The following CAPZB variants were observed in gnomAD, a reference collection of about 807,000 sequenced individuals.
CAPZB encodes F-actin-capping protein subunit beta.
In CAPZB, 2 loss-of-function variants were observed where a neutral mutation model predicts 38.1. The observed-to-expected ratio is 0.05, with a 90% CI of 0.02 to 0.17. The LOEUF is 0.17. Ranked by LOEUF, CAPZB falls within the 10% of genes least tolerant of loss-of-function variation. The pLI is 1.00. For synonymous variants in CAPZB, 107 were observed against 127.4 expected (o/e 0.84, Z 1.08); for missense variants, 161 against 334.2 (o/e 0.48, Z 4.04).
At chr1:19,445,343 C>T (rs1465874332) in intron 1 of CAPZB, among the ~76,000 whole-genome samples, 2 of 149,734 alleles carry the variant, frequency 1.3e-5, no homozygotes, top group African/African-American at 5.0e-5. Flanking sequence ...GTTGTTTCAT[C>T]CATGAGGGGG....
At chr1:19,390,062 T>A (rs939340977) in intron 2 of CAPZB, among the ~76,000 whole-genome samples, 1 of 152,206 alleles carries the variant, frequency 6.6e-6, no homozygotes, top group Non-Finnish European at 1.5e-5. Context: ...GCTGATTCCA[T>A]GTAAGTGGAT....
chr1:19,435,444 T>G (rs894141509), intron 1 of CAPZB, among the ~76,000 whole-genome samples: 4 of 152,196 alleles, frequency 2.6e-5, no homozygotes, highest in African/African-American at 9.7e-5. Context: ...TGGACAGTAT[T>G]ACTGACTCTC....
intron 4 of CAPZB, among the ~76,000 whole-genome samples, chr1:19,367,461 CG>C (rs1231529530): frequency 1.3e-5 from 2 of 152,196 alleles, no homozygotes; most frequent in Non-Finnish European, 2.9e-5. Flanking sequence ...TTACTGGGAG[CG>C]GTTCCGTACC....
intron 1 of CAPZB, among the ~76,000 whole-genome samples, chr1:19,478,039 C>T (rs1238448272): frequency 6.6e-6 from 1 of 152,230 alleles, no homozygotes; most frequent in Non-Finnish European, 1.5e-5. Flanking sequence ...GAAGAGGAAG[C>T]TGCACAGAGC....
chr1:19,339,434 G>C lies in CAPZB; in HGVS notation c.*96C>G. ...GATGCAGCTGTTATGTGACCTGTCG[G>C]GGAGGGAAGGGACGAGGGAAGGGAG... On this transcript the variant is annotated 3_prime_UTR_variant, in exon 9 of 9. Transcript: ENST00000264202. 1 of 883,630 alleles carries C rather than the reference G, an allele frequency of 1.1e-6. No individual in the cohort carries two copies. 54.7% of individuals were successfully genotyped at this position (883,630 alleles called of 1,614,324 possible).
chr1:19,415,923 T>G (rs1417175739), intron 2 of CAPZB, among the ~76,000 whole-genome samples: 8 of 152,268 alleles, frequency 5.3e-5, no homozygotes. Flanking sequence ...CATTTTGACA[T>G]TCCTCATACT....
rs987320835 is a variant in CAPZB at position 19,378,488 on chromosome 1, T to C, written c.329+52A>G. 5.9e-6 allele frequency: 6 copies of C among 1,015,348 alleles called. No homozygotes were observed. The African/African-American group carries it at 6.3e-5, about 11-fold the overall frequency. 62.9% of individuals were successfully genotyped at this position (1,015,348 alleles called of 1,614,324 possible). A position where few individuals can be genotyped will look rare whatever the true frequency, so the allele number is the denominator to read the frequency against. On this transcript the variant is annotated intron_variant, in intron 4 of 8. Transcript: ENST00000264202. ...CAGATAGAACACTGCCACTTAGGAT[T>C]TACCTCTCAAAACTCACAAGCGCTA...
chr1:19,468,305 A>C (rs987707089), intron 1 of CAPZB, among the ~76,000 whole-genome samples: 1 of 152,200 alleles, frequency 6.6e-6, no homozygotes, highest in Non-Finnish European at 1.5e-5. Context: ...AAAACACAAT[A>C]AACTTTTATT....
At position 19,412,183 on chromosome 1, in the gene CAPZB, C is replaced by T. The variant is rs182572347; in HGVS notation, c.93+7478G>A. ...GTTGTCTATAGGAAAGCTCAGAATA[C>T]GCTCAGAAACATCAGTCACAACAGA... On this transcript the variant is annotated intron_variant, in intron 2 of 8. Transcript: ENST00000264202. Among the ~76,000 whole-genome samples the T allele has an allele frequency of 7.9e-5, 12 of 152,292 alleles. No individual in the cohort carries two copies. In the East Asian group the frequency reaches 9.6e-4, roughly 12 times the overall value.
intron 8 of CAPZB, among the ~76,000 whole-genome samples, chr1:19,341,718 T>C (rs1250858923): frequency 6.6e-6 from 1 of 152,216 alleles, no homozygotes; most frequent in African/African-American, 2.4e-5. Context: ...TTTTTCTCAA[T>C]GCCATGATGG....
chr1:19,468,996 G>C (rs987677893), intron 1 of CAPZB, among the ~76,000 whole-genome samples: 8 of 152,186 alleles, frequency 5.3e-5, no homozygotes, highest in African/African-American at 1.9e-4. Context: ...CCGTCTGTCT[G>C]ACTGGCTCCC....
chr1:19,384,099 T>C (rs1558208653), intron 3 of CAPZB, among the ~76,000 whole-genome samples: 1 of 152,234 alleles, frequency 6.6e-6, no homozygotes, highest in South Asian at 2.1e-4. Flanking sequence ...TATATGACAA[T>C]GTCTGTGCCA....
intron 1 of CAPZB, among the ~76,000 whole-genome samples, chr1:19,459,178 A>G (rs930101548): frequency 2.6e-5 from 4 of 152,236 alleles, no homozygotes; most frequent in African/African-American, 9.6e-5. Context: ...CCTGAGGACA[A>G]GGCTAATTTT....
chr1:19,380,556 T>C (rs1032495350), intron 3 of CAPZB, among the ~76,000 whole-genome samples: 4 of 152,252 alleles, frequency 2.6e-5, no homozygotes, highest in Admixed American at 6.5e-5. Flanking sequence ...TCAGTTCTTG[T>C]AGCCTGTCGC....
At chr1:19,422,713 C>T (rs1380966433) in intron 1 of CAPZB, among the ~76,000 whole-genome samples, 2 of 143,256 alleles carry the variant, frequency 1.4e-5, no homozygotes, top group Admixed American at 7.1e-5. Context: ...GGCGACAGAG[C>T]GAGACTCCAT....
intron 2 of CAPZB, among the ~76,000 whole-genome samples, chr1:19,387,158 G>A (rs1570082536): frequency 6.6e-6 from 1 of 152,166 alleles, no homozygotes; most frequent in Admixed American, 6.5e-5. Context: ...ACAGATTAGA[G>A]TTGAGGCCGG....
Position 19,419,666 on chromosome 1 carries a change from C to T in CAPZB, c.88G>A (p.Asp30Asn), listed in dbSNP as rs1322067694. ...CATATGAAGGAGGCACGTACCAGGT[C>T]GATCAGGTCGCTGAGGTTTTTCTCG... is the stretch of plus-strand genomic sequence containing the variant. ...QIEKNLSDLI[D>N]LVPSLCEDLL... is the part of the protein sequence containing the mutation. The change falls in exon 2 of 9, where the codon GAC becomes AAC. Residue 30 changes from aspartate (D) to asparagine (N), a missense_variant. Coordinates refer to ENST00000264202, the MANE Select transcript of CAPZB (RefSeq NM_004930.5). The T allele has an allele frequency of 3.8e-6, 6 of 1,583,176 alleles. No individual in the cohort carries two copies. Among genetic ancestry groups the T allele is most frequent in the South Asian group, 1.1e-5 (1 of 87,298 alleles).
At position 19,484,422 on chromosome 1, in the gene CAPZB, C is replaced by T. The variant is rs114709129; in HGVS notation, c.3+1014G>A. ...CCACTCAGGCCCGGGCGCCGTGGAC[C>T]CCGGCCTGCCCTGCAGAATGCTTCG... is the stretch of plus-strand genomic sequence containing the variant. On this transcript the variant is annotated intron_variant, in intron 1 of 8. Coordinates refer to ENST00000264202, the MANE Select transcript of CAPZB (RefSeq NM_004930.5). The T allele has an allele frequency of 7.4e-5, 113 of 1,519,426 alleles. No homozygotes were observed. In the African/African-American group the frequency reaches 1.4e-3, roughly 19 times the overall value. The allele number at this position is 1,519,426 out of a possible 1,614,324, so 94.1% of individuals were successfully genotyped here.
chr1:19,475,948 C>T (rs1217284633), intron 1 of CAPZB, among the ~76,000 whole-genome samples: 1 of 152,148 alleles, frequency 6.6e-6, no homozygotes, highest in African/African-American at 2.4e-5. Flanking sequence ...TTCATCTTCC[C>T]TCCTAAGGAT....
Sources: allele counts gnomAD v4.1 joint callset (sites outside exome capture counted in the v4.1 genomes callset), GRCh38; gene constraint gnomAD v4.1.1; transcripts MANE v1.5; gene names NCBI Gene and HGNC (gene_info 2026-07-23, HGNC 2026-07-21).